KRT26: variants seen among roughly 807,000 people sequenced by gnomAD.
KRT26 encodes keratin 26.
KRT26 carries 45 observed loss-of-function variants against 46.1 expected under a neutral mutation model. That is an observed-to-expected ratio of 0.98 (90% CI 0.77 to 1.25). KRT26 has a LOEUF of 1.25. Ranked by LOEUF, KRT26 falls within the 50% of genes most tolerant of loss-of-function variation. The pLI is 0.00. For missense variants in KRT26, 582 were observed against 560.1 expected (o/e 1.04, Z -0.39); for synonymous variants, 191 against 209.9 (o/e 0.91, Z 0.78).
exon 1 of KRT26, chr17:40,771,906 C>T (rs551571865): frequency 1.9e-6 from 3 of 1,614,040 alleles, no homozygotes; most frequent in Non-Finnish European, 2.5e-6. Flanking sequence ...CCAAGAAAAC[C>T]AGCACAGGCA....
At chr17:40,771,458 G>A (rs1045528423) in intron 1 of KRT26, among the ~76,000 whole-genome samples, 2 of 152,120 alleles carry the variant, frequency 1.3e-5, no homozygotes, top group African/African-American at 4.8e-5. Context: ...CTAAATATAT[G>A]AAAAACGAAG....
Position 40,766,900 on chromosome 17 carries a change from T to C in KRT26, c.1256-234A>G, listed in dbSNP as rs1308593072. 7.9e-5 allele frequency among the ~76,000 whole-genome samples: 12 copies of C among 152,228 alleles called. No individual in the cohort carries two copies. The East Asian group carries it at 2.3e-3, about 29-fold the overall frequency. Reference sequence around the variant, plus strand: ...GATTACAGATGCCTGCTACAATGCCTGGCTAATTTTTGTATTCTTAGTAGA... The same window carrying C: ...GATTACAGATGCCTGCTACAATGCCCGGCTAATTTTTGTATTCTTAGTAGA... On this transcript the variant is annotated intron_variant, in intron 7 of 7. Coordinates refer to ENST00000335552, the Ensembl canonical transcript of KRT26.
At chr17:40,769,329 AT>A (rs1400187341) in intron 5 of KRT26, among the ~76,000 whole-genome samples, 1 of 151,724 alleles carries the variant, frequency 6.6e-6, no homozygotes, top group Non-Finnish European at 1.5e-5. Flanking sequence ...GCTAATTTTT[AT>A]ATTTTTAGTA....
At chr17:40,770,118 A>C in exon 4 of KRT26, 1 of 1,614,108 alleles carries the variant, frequency 6.2e-7, no homozygotes, top group South Asian at 1.1e-5. Flanking sequence ...CAAGACTTCC[A>C]TTTCCTAGAA....
chr17:40,771,794 G>A (rs1567675316), exon 1 of KRT26: 7 of 1,614,110 alleles, frequency 4.3e-6, no homozygotes, highest in Non-Finnish European at 5.9e-6. Context: ...GTCTGCGTTG[G>A]CCTCCTCTAG....
At chr17:40,766,835 G>A (rs944722469) in intron 7 of KRT26, among the ~76,000 whole-genome samples, 169 bp from the exon 8 acceptor site, 15 of 152,090 alleles carry the variant, frequency 9.9e-5, no homozygotes, top group Non-Finnish European at 7.3e-5. Context: ...TGCCTCCCGG[G>A]TTCAAGAGAT....
At chr17:40,771,175 G>C in exon 2 of KRT26, 2 of 1,601,574 alleles carry the variant, frequency 1.2e-6, no homozygotes, top group South Asian at 2.3e-5. Flanking sequence ...GTCATCAGCG[G>C]TCAGTCTGGC....
chr17:40,767,956 A>G (rs2038184718), intron 6 of KRT26, among the ~76,000 whole-genome samples: 2 of 152,342 alleles, frequency 1.3e-5, no homozygotes, highest in South Asian at 2.1e-4. Context: ...TACCATGAAA[A>G]AGGTGTTGCT....
chr17:40,772,137 C>G (rs1406166783), exon 1 of KRT26: 1 of 1,605,228 alleles, frequency 6.2e-7, no homozygotes, highest in African/African-American at 1.3e-5. Flanking sequence ...CCGGGCAACC[C>G]CTTCCCAGAA....
rs779655436 is a variant in KRT26 at position 40,771,966 on chromosome 17, T to C, written c.148A>G (p.Ile50Val). 7 of 1,614,058 alleles carry C rather than the reference T, an allele frequency of 4.3e-6. No homozygotes were observed. In the African/African-American group the frequency reaches 9.3e-5, roughly 22 times the overall value. Reference sequence around the variant, plus strand: ...TTGCAGAAGCTTCCTCCAGAAGAGATGCCCTCAAGAGTACAAGAAAAGCTG... The same window carrying C: ...TTGCAGAAGCTTCCTCCAGAAGAGACGCCCTCAAGAGTACAAGAAAAGCTG... Residue 50 changes from isoleucine to valine, a missense_variant, in exon 1 of 8, where the codon ATC becomes GTC. Ile to Val is a conservative substitution (Grantham distance 29). Transcript: ENST00000335552.
At chr17:40,766,939 C>A (rs188379190) in intron 7 of KRT26, among the ~76,000 whole-genome samples, 306 of 152,282 alleles carry the variant, frequency 2.0e-3, no homozygotes, top group African/African-American at 6.9e-3. Flanking sequence ...GGAGTTTCAC[C>A]ATGTTGACCA....
chr17:40,767,561 C>T (rs2038181397), intron 7 of KRT26, 25 bp downstream of exon 7: 5 of 1,456,248 alleles, frequency 3.4e-6, no homozygotes, highest in Non-Finnish European at 3.8e-6. Context: ...AGGAGTTACA[C>T]CAGGTAAAAA....
intron 7 of KRT26, among the ~76,000 whole-genome samples, chr17:40,766,875 G>A (rs1459960327): frequency 6.6e-6 from 1 of 152,074 alleles, no homozygotes; most frequent in African/African-American, 2.4e-5. Flanking sequence ...GAGTAGCTGG[G>A]ATTACAGATG....
exon 2 of KRT26, chr17:40,771,190 T>A (rs995494884): frequency 1.7e-5 from 27 of 1,608,696 alleles, no homozygotes; most frequent in Non-Finnish European, 2.3e-5. Flanking sequence ...TCTGGCATTG[T>A]CATTTTGTAG....
At chr17:40,768,741 C>A in intron 6 of KRT26, 138 bp downstream of exon 6, 1 of 507,492 alleles carries the variant, frequency 2.0e-6, no homozygotes, top group Non-Finnish European at 3.4e-6. Flanking sequence ...CACTTGGCTG[C>A]AATAATATAC....
At chr17:40,767,451 T>C (rs1189252144) in intron 7 of KRT26, 135 bp downstream of exon 7, 6 of 481,880 alleles carry the variant, frequency 1.2e-5, no homozygotes, top group Middle Eastern at 5.3e-4. Flanking sequence ...AGAACTATCA[T>C]AATGACCCCT....
chr17:40,768,999 A>C, exon 6 of KRT26: 1 of 1,613,816 alleles, frequency 6.2e-7, no homozygotes, highest in Non-Finnish European at 8.5e-7. Context: ...AATCTGTTGC[A>C]GTTGTTCCTC....
At chr17:40,770,020 C>T (rs1240876125) in exon 4 of KRT26, 4 of 1,614,090 alleles carry the variant, frequency 2.5e-6, no homozygotes, top group Non-Finnish European at 3.4e-6. Flanking sequence ...TCCTCATACT[C>T]AGCCCTCATG....
exon 4 of KRT26, chr17:40,769,971 A>G (rs1429800484): frequency 1.9e-6 from 3 of 1,614,012 alleles, no homozygotes; most frequent in African/African-American, 1.3e-5. Context: ...CCTCTCGTTG[A>G]ACCAGGCTTC....
Sources: allele counts gnomAD v4.1 joint callset (sites outside exome capture counted in the v4.1 genomes callset), GRCh38; gene constraint gnomAD v4.1.1; transcripts MANE v1.5; gene names NCBI Gene and HGNC (gene_info 2026-07-23, HGNC 2026-07-21).